Variants in CTPS2 observed in about 807,000 individuals in gnomAD.
CTPS2 encodes the protein CTP synthase II.
CTPS2 carries 19 observed loss-of-function variants against 46.8 expected under a neutral mutation model. That is an observed-to-expected ratio of 0.41 (90% CI 0.28 to 0.60). The LOEUF is 0.60. Among genes scored for constraint, CTPS2 ranks in the 20% least tolerant of loss-of-function variants. CTPS2 has a pLI of 0.35. For missense variants in CTPS2, 286 were observed against 447.6 expected, an observed-to-expected ratio of 0.64 and a Z score of 3.26; for synonymous variants, 151 against 165.2, an observed-to-expected ratio of 0.91 and a Z score of 0.66.
chrX:16,708,135 ACTT>A (rs1484270352), intron 1 of CTPS2, among the ~76,000 whole-genome samples: 11 of 112,126 alleles, frequency 9.8e-5, no homozygotes, highest in African/African-American at 3.6e-4. Context: ...TCAGTTACCC[ACTT>A]CTTATTTGTC....
At chrX:16,693,088 G>C in intron 6 of CTPS2, 53 bp downstream of exon 6, 1 of 767,377 alleles carries the variant, frequency 1.3e-6, no homozygotes. Context: ...AAGAAGTGAA[G>C]GTCCTGCTCC....
intron 11 of CTPS2, among the ~76,000 whole-genome samples, chrX:16,669,720 A>T (rs1414243439): frequency 9.1e-6 from 1 of 109,956 alleles, no homozygotes; most frequent in Non-Finnish European, 1.9e-5. Context: ...ATGGGGGGAA[A>T]TAAATGGTCT....
At chrX:16,643,503 G>A (rs1398983292) in intron 13 of CTPS2, among the ~76,000 whole-genome samples, 1 of 111,265 alleles carries the variant, frequency 9.0e-6, no homozygotes, top group Non-Finnish European at 1.9e-5. Context: ...CACCACGCCC[G>A]GCCTCCTCTA....
chrX:16,609,451 A>C (rs1187452834), intron 17 of CTPS2, 90 bp downstream of exon 17: 13 of 934,327 alleles, frequency 1.4e-5, no homozygotes, highest in South Asian at 9.0e-5. Context: ...ACATTTAAAA[A>C]TTCTATAGTG....
chrX:16,664,087 T>C (rs1352650370), intron 13 of CTPS2, among the ~76,000 whole-genome samples: 8 of 111,798 alleles, frequency 7.2e-5, no homozygotes, highest in East Asian at 2.8e-4. Flanking sequence ...CTGCCCGCCT[T>C]GGCCTCCCAA....
chrX:16,687,849 G>A (rs1453851545), intron 8 of CTPS2, among the ~76,000 whole-genome samples: 3 of 111,479 alleles, frequency 2.7e-5, no homozygotes, highest in Admixed American at 9.7e-5. Flanking sequence ...ATCAGCAACC[G>A]ATACTTATTA....
chrX:16,593,886 G>GA (rs1187123368), intron 17 of CTPS2, among the ~76,000 whole-genome samples: 4 of 104,166 alleles, frequency 3.8e-5, no homozygotes, highest in South Asian at 4.2e-4. Flanking sequence ...ATATTTGGAG[G>GA]AAAAAAAAAA....
intron 14 of CTPS2, 59 bp downstream of exon 14, chrX:16,639,088 C>T (rs949902573): frequency 5.3e-6 from 5 of 934,957 alleles, no homozygotes; most frequent in African/African-American, 3.9e-5. Flanking sequence ...GTGCTGGGCA[C>T]CTGCAGTCAC....
chrX:16,703,331 A>AT (rs755272843), intron 1 of CTPS2, among the ~76,000 whole-genome samples: 59 of 98,521 alleles, frequency 6.0e-4, no homozygotes, highest in South Asian at 1.8e-3. Flanking sequence ...CTAGCTCAGA[A>AT]TTTTTTTTTT....
chrX:16,672,410 G>A (rs1025879512), intron 10 of CTPS2, among the ~76,000 whole-genome samples: 4 of 111,184 alleles, frequency 3.6e-5, no homozygotes, highest in Non-Finnish European at 7.5e-5. Context: ...AATGCTGCGG[G>A]CAATGCTTTT....
At chrX:16,601,377 C>T (rs768538528) in intron 17 of CTPS2, among the ~76,000 whole-genome samples, 117 of 110,892 alleles carry the variant, frequency 1.1e-3, no homozygotes, top group African/African-American at 3.8e-3. Context: ...TTGTCACCTC[C>T]GATTCACCTT....
intron 17 of CTPS2, among the ~76,000 whole-genome samples, chrX:16,595,762 T>C (rs1929207474): frequency 8.9e-6 from 1 of 112,397 alleles, no homozygotes; most frequent in Admixed American, 9.4e-5. Flanking sequence ...TATAGAACAT[T>C]TCTACCAGCG....
intron 14 of CTPS2, among the ~76,000 whole-genome samples, chrX:16,628,971 G>A (rs922582098): frequency 1.8e-5 from 2 of 111,827 alleles, no homozygotes; most frequent in Admixed American, 9.4e-5. Flanking sequence ...AAGGGCTCCC[G>A]CATATCATTT....
At chrX:16,693,755 A>C (rs1381474441) in intron 4 of CTPS2, among the ~76,000 whole-genome samples, 1 of 111,355 alleles carries the variant, frequency 9.0e-6, no homozygotes, top group East Asian at 2.8e-4. Context: ...ATCCCACTGC[A>C]TTCCAGCCTA....
In CTPS2 at chrX:16,640,037, T is replaced by C. The variant is rs574577908; in HGVS notation, c.1297-794A>G. ...CTCCCAGGCTACAGCAATGGCTCACTGACTGGCCACTCAACATTCCCATGG... is the reference window on the plus strand; with the variant it reads ...CTCCCAGGCTACAGCAATGGCTCACCGACTGGCCACTCAACATTCCCATGG... On this transcript the variant is annotated intron_variant, in intron 13 of 18. Transcript: ENST00000359276. Among the ~76,000 whole-genome samples, 102 of 111,211 alleles carry C rather than the reference T, an allele frequency of 9.2e-4. No homozygotes were observed. The South Asian group carries it at 0.038, about 41-fold the overall frequency.
At chrX:16,592,842 C>T (rs974849558) in intron 17 of CTPS2, among the ~76,000 whole-genome samples, 8 of 111,557 alleles carry the variant, frequency 7.2e-5, no homozygotes, top group Non-Finnish European at 1.1e-4. Context: ...ATGGAATGCC[C>T]TGATTACCTT....
At chrX:16,622,442 A>G (rs754808715) in intron 14 of CTPS2, among the ~76,000 whole-genome samples, 1 of 110,493 alleles carries the variant, frequency 9.1e-6, no homozygotes, top group East Asian at 2.8e-4. Flanking sequence ...AGAAAAAGAA[A>G]GAAAACATAG....
intron 17 of CTPS2, among the ~76,000 whole-genome samples, chrX:16,594,347 G>A (rs1300321225): frequency 3.6e-5 from 4 of 111,510 alleles, no homozygotes; most frequent in Admixed American, 1.9e-4. Context: ...TATGAGCCAC[G>A]TACCTTTGGA....
intron 8 of CTPS2, among the ~76,000 whole-genome samples, chrX:16,685,867 CA>C (rs397976604): frequency 8.8e-3 from 216 of 24,471 alleles, no homozygotes; most frequent in African/African-American, 0.026. Flanking sequence ...ACTCTGTCTC[CA>C]AAAAAAAAAA....
Sources: allele counts gnomAD v4.1 joint callset (sites outside exome capture counted in the v4.1 genomes callset), GRCh38; gene constraint gnomAD v4.1.1; transcripts MANE v1.5; gene names NCBI Gene and HGNC (gene_info 2026-07-23, HGNC 2026-07-21).